The following NKAIN3 variants were observed in gnomAD, a reference collection of about 807,000 sequenced individuals.
NKAIN3 encodes sodium/potassium transporting ATPase interacting 3.
Under a neutral mutation model 30.2 loss-of-function variants are expected in NKAIN3, and 25 were observed. The observed-to-expected ratio is 0.83, with a 90% CI of 0.60 to 1.16. NKAIN3 has a LOEUF of 1.16. NKAIN3 is among the 50% of genes most tolerant of loss of function. The pLI, the probability that NKAIN3 is intolerant of heterozygous loss-of-function variation, is 0.00. For synonymous variants in NKAIN3, 91 were observed against 89.6 expected (o/e 1.02, Z -0.09); for missense variants, 225 against 254.1 (o/e 0.89, Z 0.78).
At chr8:62,308,433 A>T (rs1430532230) in intron 1 of NKAIN3, among the ~76,000 whole-genome samples, 1 of 150,534 alleles carries the variant, frequency 6.6e-6, no homozygotes, top group Non-Finnish European at 1.5e-5. Flanking sequence ...TTGAAACTTA[A>T]TTTGTGTGGT....
intron 3 of NKAIN3, among the ~76,000 whole-genome samples, chr8:62,643,642 G>A (rs932277020): frequency 3.9e-5 from 6 of 152,052 alleles, no homozygotes; most frequent in African/African-American, 1.4e-4. Flanking sequence ...GGGGCAATAG[G>A]GACCTGCACA....
In NKAIN3 at chr8:62,458,779, C is replaced by G. The variant is rs1281130654; in HGVS notation, c.55-120760C>G. On this transcript the variant is annotated intron_variant, in intron 1 of 6. Coordinates refer to ENST00000623646, the MANE Select transcript of NKAIN3 (RefSeq NM_001304533.3). ...CTTCCCAATATCTAAAGTTTATCAT[C>G]AGAATTCATTGCACCTCTGCAGAAG... Among the ~76,000 whole-genome samples the G allele has an allele frequency of 2.0e-5, 3 of 152,168 alleles. No individual in the cohort carries two copies. The East Asian group carries it at 5.8e-4, about 29-fold the overall frequency.
intron 2 of NKAIN3, among the ~76,000 whole-genome samples, chr8:62,583,396 A>G (rs1451810135): frequency 1.3e-5 from 2 of 152,216 alleles, no homozygotes; most frequent in Non-Finnish European, 2.9e-5. Context: ...TTTATGGATT[A>G]TGCCAACCAA....
chr8:62,571,899 T>C (rs1809953970), intron 1 of NKAIN3, among the ~76,000 whole-genome samples: 1 of 152,008 alleles, frequency 6.6e-6, no homozygotes, highest in Non-Finnish European at 1.5e-5. Context: ...ACGAAACCAC[T>C]TTTTCTTCTT....
rs1380157445 is a variant in NKAIN3, at chr8:62,966,850, T to G, written c.*1443T>G. On this transcript the variant is annotated 3_prime_UTR_variant, in exon 7 of 7. Transcript: ENST00000623646. ...AGTCCGTCTATTAACCACCTAAAAC[T>G]GTTACAAATATTTGTATGTGTGTGA... Among the ~76,000 whole-genome samples the G allele has an allele frequency of 2.6e-5, 4 of 152,200 alleles. No homozygotes were observed. Among genetic ancestry groups the G allele is most frequent in the Non-Finnish European group, 5.9e-5 (4 of 68,038 alleles).
chr8:62,923,380 TCTGGGCCC>T (rs1191217079), intron 5 of NKAIN3, among the ~76,000 whole-genome samples: 1 of 152,152 alleles, frequency 6.6e-6, no homozygotes, highest in Non-Finnish European at 1.5e-5. Flanking sequence ...AAATAAATTT[TCTGGGCCC>T]AACAACTCAG....
intron 1 of NKAIN3, among the ~76,000 whole-genome samples, chr8:62,313,495 C>G (rs1252906888): frequency 1.3e-5 from 2 of 152,074 alleles, no homozygotes; most frequent in African/African-American, 4.8e-5. Context: ...ATAAACTTCA[C>G]TAGGATGTAA....
At chr8:62,572,641 C>T (rs1416884771) in intron 1 of NKAIN3, among the ~76,000 whole-genome samples, 1 of 152,112 alleles carries the variant, frequency 6.6e-6, no homozygotes, top group Non-Finnish European at 1.5e-5. Flanking sequence ...GGGGAGGCCT[C>T]ACAATCATGG....
intron 1 of NKAIN3, among the ~76,000 whole-genome samples, chr8:62,506,476 C>CTTTT (rs71255341): frequency 0.096 from 9,426 of 98,422 alleles, 598 homozygotes; most frequent in Middle Eastern, 0.13. Context: ...TTCTTTCTTT[C>CTTTT]TTTTTTTTTT....
intron 1 of NKAIN3, among the ~76,000 whole-genome samples, chr8:62,467,835 G>A (rs1196161672): frequency 3.3e-5 from 5 of 152,060 alleles, no homozygotes; most frequent in South Asian, 4.2e-4. Flanking sequence ...GCACGAGCTC[G>A]TCTCACTGCA....
At chr8:62,442,045 CATT>C (rs1005783107) in intron 1 of NKAIN3, among the ~76,000 whole-genome samples, 1 of 151,914 alleles carries the variant, frequency 6.6e-6, no homozygotes, top group African/African-American at 2.4e-5. Flanking sequence ...GATATTAAAT[CATT>C]ATATTCTCTA....
At chr8:62,541,896 A>G (rs906260504) in intron 1 of NKAIN3, among the ~76,000 whole-genome samples, 20 of 152,116 alleles carry the variant, frequency 1.3e-4, no homozygotes, top group African/African-American at 4.8e-4. Context: ...AACTTTTAAA[A>G]TGTCTTTTAT....
intron 5 of NKAIN3, among the ~76,000 whole-genome samples, chr8:62,993,029 T>A (rs1392266853): frequency 6.6e-6 from 1 of 150,604 alleles, no homozygotes; most frequent in East Asian, 2.0e-4. Context: ...AAGCCTAGGA[T>A]CCTGAAGGTT....
At chr8:62,481,072 T>C (rs1806703819) in intron 1 of NKAIN3, among the ~76,000 whole-genome samples, 1 of 152,218 alleles carries the variant, frequency 6.6e-6, no homozygotes, top group Admixed American at 6.5e-5. Flanking sequence ...ATAATCATCA[T>C]TTCATTGTCA....
chr8:62,724,170 C>T (rs1243321491), intron 3 of NKAIN3, among the ~76,000 whole-genome samples: 2 of 151,912 alleles, frequency 1.3e-5, no homozygotes, highest in Admixed American at 1.3e-4. Flanking sequence ...TATACTGTCT[C>T]GCTTATTTCG....
At chr8:62,986,363 A>T (rs1429733911), downstream of NKAIN3, among the ~76,000 whole-genome samples, 1 of 152,194 alleles carries the variant, frequency 6.6e-6, no homozygotes, top group African/African-American at 2.4e-5. Context: ...TGAAAATGTC[A>T]TATAAACTGC....
At chr8:62,715,581 G>A (rs1239140940) in intron 3 of NKAIN3, among the ~76,000 whole-genome samples, 1 of 152,146 alleles carries the variant, frequency 6.6e-6, no homozygotes, top group Non-Finnish European at 1.5e-5. Context: ...TATCTATGCT[G>A]TCGGTGTTGT....
intron 1 of NKAIN3, among the ~76,000 whole-genome samples, chr8:62,565,708 G>A (rs779470323): frequency 3.9e-4 from 60 of 152,044 alleles, no homozygotes; most frequent in African/African-American, 1.2e-3. Flanking sequence ...CTTGTGTTGG[G>A]GTTATGTCCT....
In NKAIN3 at chr8:62,515,322, T is replaced by C. The variant is rs75900182; in HGVS notation, c.55-64217T>C. Among the ~76,000 whole-genome samples, 1,320 of 152,300 alleles carry C rather than the reference T, an allele frequency of 8.7e-3. 12 individuals are homozygous for C. The highest frequency in any genetic ancestry group is 0.027 in the Middle Eastern group (8 of 294). On this transcript the variant is annotated intron_variant, in intron 1 of 6. Transcript: ENST00000623646. The stretch of plus-strand genomic sequence containing the variant: ...TTATTGTGTGCAACATGATGTGATA[T>C]ATATGTGTATATTTTAATGTATTTG...
Sources: allele counts gnomAD v4.1 joint callset (sites outside exome capture counted in the v4.1 genomes callset), GRCh38; gene constraint gnomAD v4.1.1; transcripts MANE v1.5; gene names NCBI Gene and HGNC (gene_info 2026-07-23, HGNC 2026-07-21).